The following GRIK3 variants were observed in gnomAD, a reference collection of about 807,000 sequenced individuals.
GRIK3 encodes glutamate ionotropic receptor kainate type subunit 3.
Under a neutral mutation model 102.5 loss-of-function variants are expected in GRIK3, and 29 were observed. The ratio of observed to expected loss-of-function variants is 0.28; its 90% CI spans 0.21 to 0.39. GRIK3 has a LOEUF of 0.39. GRIK3 is among the 10% of genes least tolerant of loss of function. GRIK3 has a pLI of 1.00. For missense variants in GRIK3, 908 were observed against 1,252.4 expected (o/e 0.73, Z 4.15); for synonymous variants, 511 against 504.9 (o/e 1.01, Z -0.16).
chr1:36,923,322 G>A (rs923326080), intron 1 of GRIK3, among the ~76,000 whole-genome samples: 3 of 152,220 alleles, frequency 2.0e-5, no homozygotes, highest in Admixed American at 6.5e-5. Context: ...GGGTAGAGGG[G>A]TGGGAGGCCT....
At chr1:36,970,956 T>C (rs925468578) in intron 1 of GRIK3, among the ~76,000 whole-genome samples, 1 of 152,246 alleles carries the variant, frequency 6.6e-6, no homozygotes, top group Non-Finnish European at 1.5e-5. Flanking sequence ...TAGGTGATGA[T>C]GTGCTCACAA....
chr1:36,826,270 T>A (rs934429851), intron 10 of GRIK3, among the ~76,000 whole-genome samples: 2 of 152,252 alleles, frequency 1.3e-5, no homozygotes, highest in African/African-American at 4.8e-5. Flanking sequence ...TCTGCTTTCC[T>A]CTCCCATCCA....
At chr1:36,803,421 T>C (rs1265008979) in intron 15 of GRIK3, among the ~76,000 whole-genome samples, 1 of 152,078 alleles carries the variant, frequency 6.6e-6, no homozygotes. Flanking sequence ...TTTTTTATTT[T>C]CATTTTTTTA....
chr1:36,898,854 A>G (rs1049362367), intron 1 of GRIK3, among the ~76,000 whole-genome samples: 4 of 152,156 alleles, frequency 2.6e-5, no homozygotes, highest in Admixed American at 2.6e-4. Flanking sequence ...GACAAACTAT[A>G]TATAGAGTCC....
At chr1:37,010,533 C>T (rs990688380) in intron 1 of GRIK3, among the ~76,000 whole-genome samples, 2 of 152,058 alleles carry the variant, frequency 1.3e-5, no homozygotes, top group Admixed American at 6.6e-5. Flanking sequence ...AATGATGCTC[C>T]TGGAGTGAAG....
At chr1:36,950,018 T>A (rs1641827770) in intron 1 of GRIK3, among the ~76,000 whole-genome samples, 1 of 152,106 alleles carries the variant, frequency 6.6e-6, no homozygotes, top group South Asian at 2.1e-4. Flanking sequence ...GGCTCTAGAG[T>A]GTCTGTGTGT....
chr1:36,917,058 G>A (rs146066095), intron 1 of GRIK3, among the ~76,000 whole-genome samples: 253 of 152,318 alleles, frequency 1.7e-3, no homozygotes, highest in Middle Eastern at 3.4e-3. Context: ...AGCTGCCAAC[G>A]ACCATGGGAA....
intron 1 of GRIK3, among the ~76,000 whole-genome samples, chr1:36,942,411 G>C (rs185759815): frequency 6.6e-6 from 1 of 152,162 alleles, no homozygotes; most frequent in African/African-American, 2.4e-5. Flanking sequence ...AGGCTCCTCT[G>C]GTAAAGACCT....
intron 1 of GRIK3, among the ~76,000 whole-genome samples, chr1:36,916,152 A>G (rs1641397947): frequency 6.6e-6 from 1 of 152,178 alleles, no homozygotes; most frequent in African/African-American, 2.4e-5. Flanking sequence ...TGTTTTAGCA[A>G]AGAGACTGGC....
intron 11 of GRIK3, among the ~76,000 whole-genome samples, chr1:36,821,526 C>T (rs1050113097): frequency 3.3e-5 from 5 of 152,182 alleles, no homozygotes; most frequent in Admixed American, 1.3e-4. Flanking sequence ...GGTGCTCTGT[C>T]GGTGGAACCA....
chr1:36,846,217 C>T (rs1640517782), intron 9 of GRIK3, among the ~76,000 whole-genome samples: 1 of 151,976 alleles, frequency 6.6e-6, no homozygotes, highest in African/African-American at 2.4e-5. Flanking sequence ...GGAGGGCAGG[C>T]GTCCAGTCTC....
chr1:36,846,876 A>G (rs1640525160), intron 9 of GRIK3, among the ~76,000 whole-genome samples: 1 of 152,212 alleles, frequency 6.6e-6, no homozygotes, highest in Non-Finnish European at 1.5e-5. Flanking sequence ...CTCCAAGGAC[A>G]CTTCTGGCTA....
chr1:37,008,384 C>T (rs1316544924), intron 1 of GRIK3, among the ~76,000 whole-genome samples: 3 of 152,234 alleles, frequency 2.0e-5, no homozygotes, highest in Non-Finnish European at 2.9e-5. Context: ...AGAAATCGCC[C>T]AGGACAGTGC....
At chr1:36,879,745 T>G (rs1640945272) in intron 3 of GRIK3, among the ~76,000 whole-genome samples, 1 of 152,110 alleles carries the variant, frequency 6.6e-6, no homozygotes, top group African/African-American at 2.4e-5. Context: ...CAGCATTAGC[T>G]CTAGCTGGCA....
intron 10 of GRIK3, among the ~76,000 whole-genome samples, chr1:36,838,398 T>C (rs1416837731): frequency 3.3e-5 from 5 of 152,042 alleles, no homozygotes; most frequent in African/African-American, 4.8e-5. Context: ...AACAGACAAG[T>C]AGGCAGTAAA....
chr1:37,030,748 A>T (rs371547095), intron 1 of GRIK3, among the ~76,000 whole-genome samples: 4 of 151,948 alleles, frequency 2.6e-5, no homozygotes, highest in Non-Finnish European at 5.9e-5. Flanking sequence ...TGCCCATAAC[A>T]TGAGGAGAGA....
Position 36,869,770 on chromosome 1 carries a change from T to C in GRIK3, c.764A>G (p.Tyr255Cys). ...AMAMGMMTEYYHFIFTTLDLY... is the reference protein window; with the variant it reads ...AMAMGMMTEYCHFIFTTLDLY... ...TACCAGAGTGGTGAAGATGAAGTGG[T>C]AGTACTCAGTCATCATGCCCATGGC... The change falls in exon 5 of 16, where the codon TAC becomes TGC. Residue 255 changes from tyrosine (Y) to cysteine (C), a missense_variant. Physicochemically the swap from Tyr to Cys is radical, Grantham distance 194. Around this residue, in one of 3 missense-constraint regions of GRIK3, gnomAD observed 585 missense variants for 824.9 expected, o/e 0.71. Transcript: ENST00000373091. 6.2e-7 allele frequency: 1 copy of C among 1,612,326 alleles called. No homozygotes were observed. Among genetic ancestry groups the C allele is most frequent in the Middle Eastern group, 1.7e-4 (1 of 6,058 alleles).
intron 1 of GRIK3, among the ~76,000 whole-genome samples, chr1:36,954,664 G>A (rs889530377): frequency 6.6e-6 from 1 of 152,204 alleles, no homozygotes; most frequent in Non-Finnish European, 1.5e-5. Context: ...TAAGGAGGCT[G>A]GGGAAAGAGT....
intron 1 of GRIK3, among the ~76,000 whole-genome samples, chr1:36,965,170 C>A (rs544669210): frequency 6.6e-6 from 1 of 152,144 alleles, no homozygotes; most frequent in African/African-American, 2.4e-5. Flanking sequence ...TCTATTTCCT[C>A]GCCTGTCAAA....
Sources: allele counts gnomAD v4.1 joint callset (sites outside exome capture counted in the v4.1 genomes callset), GRCh38; gene constraint gnomAD v4.1.1; regional missense constraint gnomAD v4.1.1; transcripts MANE v1.5; gene names NCBI Gene and HGNC (gene_info 2026-07-23, HGNC 2026-07-21).